The following SCOC variants were observed in gnomAD, a reference collection of about 807,000 sequenced individuals.
SCOC encodes the protein short coiled-coil protein.
A neutral mutation model predicts 9.9 loss-of-function variants in SCOC; 7 were observed. That is an observed-to-expected ratio of 0.71 (90% CI 0.40 to 1.33). The LOEUF is 1.33. SCOC is among the 40% of genes most tolerant of loss of function. The probability of loss-of-function intolerance (pLI) is 0.01; values close to 1 mark genes in which losing one functional copy is unlikely to be tolerated. For synonymous variants in SCOC, 19 were observed against 28.2 expected (o/e 0.67, Z 1.03); for missense variants, 66 against 89.7 (o/e 0.74, Z 1.07).
intron 1 of SCOC, among the ~76,000 whole-genome samples, chr4:140,300,925 C>G (rs561242077): frequency 6.6e-6 from 1 of 152,298 alleles, no homozygotes; most frequent in African/African-American, 2.4e-5. Flanking sequence ...ATGGCAGTGA[C>G]ATTGATATCC....
chr4:140,267,897 G>A (rs747443688), intron 1 of SCOC, among the ~76,000 whole-genome samples: 1 of 152,138 alleles, frequency 6.6e-6, no homozygotes, highest in African/African-American at 2.4e-5. Context: ...GATCCCGACC[G>A]ATACACTGGC....
intron 1 of SCOC, among the ~76,000 whole-genome samples, chr4:140,329,742 G>A (rs181868127): frequency 5.3e-5 from 8 of 152,098 alleles, no homozygotes; most frequent in African/African-American, 9.6e-5. Context: ...AATCAAAACC[G>A]CAATGCAATA....
chr4:140,369,400 G>T, upstream of SCOC: 2 of 303,526 alleles, frequency 6.6e-6, no homozygotes, highest in Non-Finnish European at 6.8e-6. Flanking sequence ...TTCTTATTTA[G>T]GAATGAGATG....
intron 2 of SCOC, among the ~76,000 whole-genome samples, chr4:140,360,022 G>T (rs1727395477): frequency 6.6e-6 from 1 of 152,058 alleles, no homozygotes; most frequent in Admixed American, 6.5e-5. Flanking sequence ...ACTCCTCTGG[G>T]TCTCATTTTC....
intron 1 of SCOC, among the ~76,000 whole-genome samples, chr4:140,329,503 G>T (rs1732745956): frequency 6.6e-6 from 1 of 152,200 alleles, no homozygotes; most frequent in African/African-American, 2.4e-5. Flanking sequence ...AAGCAGAAGA[G>T]TTAACAGACA....
At chr4:140,352,152 C>A (rs1211438620) in intron 2 of SCOC, among the ~76,000 whole-genome samples, 1 of 152,228 alleles carries the variant, frequency 6.6e-6, no homozygotes, top group Admixed American at 6.5e-5. Flanking sequence ...TTTCTCTTTA[C>A]ACCCTCCAAT....
At chr4:140,351,661 G>A (rs1726984528) in intron 2 of SCOC, among the ~76,000 whole-genome samples, 1 of 151,672 alleles carries the variant, frequency 6.6e-6, no homozygotes, top group Admixed American at 6.6e-5. Context: ...ACCCCCTCAC[G>A]CCCTGCTGAA....
intron 1 of SCOC, among the ~76,000 whole-genome samples, chr4:140,277,925 C>T (rs1051291732): frequency 1.3e-5 from 2 of 152,146 alleles, no homozygotes; most frequent in African/African-American, 2.4e-5. Context: ...AATAAGAAAA[C>T]AAAGGTGGCA....
intron 1 of SCOC, among the ~76,000 whole-genome samples, chr4:140,276,789 T>C (rs117162520): frequency 0.015 from 2,341 of 151,636 alleles, 56 homozygotes; most frequent in African/African-American, 0.043. Flanking sequence ...AAAAAAACCA[T>C]GTCTGGGAGT....
chr4:140,356,423 G>T (rs757838761), intron 2 of SCOC, among the ~76,000 whole-genome samples: 1 of 152,150 alleles, frequency 6.6e-6, no homozygotes, highest in Non-Finnish European at 1.5e-5. Context: ...GCCCACTGAA[G>T]CTTCACCAGT....
chr4:140,307,075 A>T (rs1732013910), intron 1 of SCOC, among the ~76,000 whole-genome samples: 1 of 152,164 alleles, frequency 6.6e-6, no homozygotes, highest in Non-Finnish European at 1.5e-5. Flanking sequence ...GACGTTGTTC[A>T]TCTTTTCCAC....
chr4:140,263,495 C>T (rs1356874372), intron 1 of SCOC, among the ~76,000 whole-genome samples: 2 of 152,136 alleles, frequency 1.3e-5, no homozygotes, highest in African/African-American at 4.8e-5. Flanking sequence ...TGCTGAAACA[C>T]CCCATTTGGT....
At chr4:140,373,575 G>A (rs752898221), upstream of SCOC, 1 of 1,551,712 alleles carries the variant, frequency 6.4e-7, no homozygotes, top group South Asian at 1.2e-5. Context: ...ATTGGCGGGC[G>A]AGCGGCTGGG....
chr4:140,280,490 A>G (rs1731074144), intron 1 of SCOC, among the ~76,000 whole-genome samples: 1 of 152,070 alleles, frequency 6.6e-6, no homozygotes, highest in South Asian at 2.1e-4. Flanking sequence ...TGAGGTCAAC[A>G]GTATTGTCTT....
intron 1 of SCOC, among the ~76,000 whole-genome samples, chr4:140,331,311 T>G (rs1282488157): frequency 3.9e-5 from 6 of 152,336 alleles, no homozygotes; most frequent in African/African-American, 1.4e-4. Context: ...TTCCATCCTG[T>G]TCTCCTCTGC....
upstream of SCOC, among the ~76,000 whole-genome samples, chr4:140,343,241 T>C (rs1726576031): frequency 6.6e-6 from 1 of 152,174 alleles, no homozygotes; most frequent in Non-Finnish European, 1.5e-5. Context: ...AAGTTTACCG[T>C]GGGTATCTAA....
At chr4:140,316,382 T>C (rs1387628419) in intron 1 of SCOC, among the ~76,000 whole-genome samples, 1 of 152,182 alleles carries the variant, frequency 6.6e-6, no homozygotes, top group African/African-American at 2.4e-5. Context: ...CATTCTTTAG[T>C]TGTCTGTAAT....
chr4:140,291,355 G>T (rs1042366559), intron 1 of SCOC: 1 of 454,908 alleles, frequency 2.2e-6, no homozygotes, highest in South Asian at 1.6e-5. Flanking sequence ...AAGACTTCAC[G>T]TGGTGGCAGC....
At chr4:140,353,036 C>G (rs148392116) in intron 2 of SCOC, among the ~76,000 whole-genome samples, 1 of 152,286 alleles carries the variant, frequency 6.6e-6, no homozygotes, top group Non-Finnish European at 1.5e-5. Flanking sequence ...CACAAAGGCT[C>G]CAGTTGGATG....
Sources: gnomAD v4.1 joint callset for allele counts (sites outside exome capture counted in the v4.1 genomes callset) on GRCh38, gnomAD v4.1.1 for gene constraint, MANE v1.5 for transcripts, NCBI Gene and HGNC (gene_info 2026-07-23, HGNC 2026-07-21) for gene names.